SYBU: variants seen among roughly 807,000 people sequenced by gnomAD.
SYBU encodes the protein syntabulin, also known as GOLSYN A protein.
In SYBU, 21 loss-of-function variants were observed where a neutral mutation model predicts 35.9. The observed-to-expected ratio is 0.58, with a 90% CI of 0.41 to 0.84. The LOEUF is 0.84. Ranked by LOEUF, SYBU falls within the 40% of genes least tolerant of loss-of-function variation. SYBU has a pLI of 0.00. For missense variants in SYBU, 768 were observed against 848.2 expected (o/e 0.91, Z 1.17); for synonymous variants, 319 against 324.3 (o/e 0.98, Z 0.18).
At chr8:109,675,433 C>T (rs1817152377) in intron 1 of SYBU, among the ~76,000 whole-genome samples, 1 of 152,020 alleles carries the variant, frequency 6.6e-6, no homozygotes, top group Admixed American at 6.6e-5. Flanking sequence ...CAAATAGACA[C>T]AATAAAAAAT....
intron 1 of SYBU, among the ~76,000 whole-genome samples, chr8:109,650,575 C>T (rs1481306955): frequency 7.9e-5 from 12 of 152,288 alleles, no homozygotes; most frequent in East Asian, 1.9e-4. Flanking sequence ...GCTTTATTCC[C>T]ACTTCCTAGG....
At chr8:109,661,634 AG>A (rs1289770782) in intron 1 of SYBU, among the ~76,000 whole-genome samples, 1 of 152,226 alleles carries the variant, frequency 6.6e-6, no homozygotes, top group Non-Finnish European at 1.5e-5. Context: ...GAAGCAAACC[AG>A]AAAATTATGG....
intron 2 of SYBU, among the ~76,000 whole-genome samples, chr8:109,638,430 C>CA (rs1262863713): frequency 6.6e-6 from 1 of 152,104 alleles, no homozygotes; most frequent in African/African-American, 2.4e-5. Flanking sequence ...CACAAACCAA[C>CA]AATGTGGGCT....
chr8:109,654,979 T>A (rs1816295466), intron 1 of SYBU, among the ~76,000 whole-genome samples: 1 of 152,220 alleles, frequency 6.6e-6, no homozygotes, highest in South Asian at 2.1e-4. Context: ...TTTTGAACAG[T>A]GGCCACAATA....
chr8:109,625,407 T>A (rs1275209708), intron 2 of SYBU, among the ~76,000 whole-genome samples: 1 of 152,216 alleles, frequency 6.6e-6, no homozygotes, highest in African/African-American at 2.4e-5. Flanking sequence ...AAAATAGATA[T>A]AAACATCACT....
rs1821973797 is a variant in SYBU at position 109,574,374 on chromosome 8, T to A, written c.*532A>T. ...AACAAGCCATTTAAGACTTTGGAGC[T>A]ACATTTAGTAAAAAATTGCAAACAC... On this transcript the variant is annotated 3_prime_UTR_variant, in exon 7 of 7. Coordinates refer to ENST00000276646, the MANE Select transcript of SYBU (RefSeq NM_001099754.2). The A allele has an allele frequency of 6.5e-6, 1 of 152,760 alleles. No homozygotes were observed. Among genetic ancestry groups the A allele is most frequent in the Non-Finnish European group, 1.5e-5 (1 of 68,108 alleles). The allele number at this position is 152,760 out of a possible 1,614,324, so 9.5% of individuals were successfully genotyped here. A position where few individuals can be genotyped will look rare whatever the true frequency, so the allele number is the denominator to read the frequency against.
At chr8:109,641,746 A>T (rs551828577) in intron 2 of SYBU, among the ~76,000 whole-genome samples, 6 of 152,368 alleles carry the variant, frequency 3.9e-5, no homozygotes, top group Non-Finnish European at 8.8e-5. Context: ...ACATTTAACA[A>T]AGGAATGCAT....
At chr8:109,630,243 A>T (rs1813456736) in intron 2 of SYBU, among the ~76,000 whole-genome samples, 1 of 131,040 alleles carries the variant, frequency 7.6e-6, no homozygotes, top group South Asian at 2.5e-4. Flanking sequence ...TGGACACAGG[A>T]AGGGGAATAT....
chr8:109,597,194 C>T (rs1475312065), intron 3 of SYBU, among the ~76,000 whole-genome samples: 3 of 152,094 alleles, frequency 2.0e-5, no homozygotes, highest in African/African-American at 4.8e-5. Flanking sequence ...GAGAAGCTGA[C>T]CCAGAGTTGC....
chr8:109,673,953 A>G (rs1359020344), intron 1 of SYBU, among the ~76,000 whole-genome samples: 1 of 152,224 alleles, frequency 6.6e-6, no homozygotes, highest in Non-Finnish European at 1.5e-5. Flanking sequence ...CAACTTAATG[A>G]AATAAAGCAT....
intron 4 of SYBU, among the ~76,000 whole-genome samples, chr8:109,582,573 G>T (rs1258868422): frequency 6.6e-6 from 1 of 152,188 alleles, no homozygotes; most frequent in African/African-American, 2.4e-5. Flanking sequence ...AGACAGAGGA[G>T]TGAAGATGAC....
chr8:109,661,717 CA>C (rs1444839360), intron 1 of SYBU, among the ~76,000 whole-genome samples: 2 of 152,176 alleles, frequency 1.3e-5, no homozygotes, highest in Admixed American at 1.3e-4. Flanking sequence ...GAATAAGCCA[CA>C]TGTATTAAAT....
intron 1 of SYBU, among the ~76,000 whole-genome samples, chr8:109,651,520 A>G (rs1205338350): frequency 7.7e-6 from 1 of 130,602 alleles, no homozygotes; most frequent in African/African-American, 2.9e-5. Context: ...CCCCTGTAGG[A>G]CTCAACATTC....
chr8:109,575,732 C>G lies in SYBU; in HGVS notation c.1166G>C (p.Cys389Ser). The G allele has an allele frequency of 1.2e-6, 2 of 1,614,088 alleles. No homozygotes were observed. Among genetic ancestry groups the G allele is most frequent in the East Asian group, 4.5e-5 (2 of 44,900 alleles). Residue 389 changes from cysteine to serine, a missense_variant, in exon 7 of 7, where the codon TGC (cysteine) becomes TCC (serine). Coordinates refer to ENST00000276646, the MANE Select transcript of SYBU (RefSeq NM_001099754.2). ...AHSGSLRDEL[C>S]LDFPCDSPEK... ...TGGGGAATCACATGGAAAGTCTAGG[C>G]ACAGTTCGTCCCTCAGAGAGCCACT... is the stretch of plus-strand genomic sequence containing the variant.
chr8:109,608,154 C>T (rs1396988930), intron 3 of SYBU: 1 of 507,408 alleles, frequency 2.0e-6, no homozygotes. Context: ...GGGAAGAGCA[C>T]AGGGCCTTCT....
chr8:109,654,761 C>T lies in SYBU; in HGVS notation c.-129+25950G>A, dbSNP rs114725335. ...AAAGCTGATTTTACTTCTGTGTTCCCTAAGTTGATAAACAATATCATCATG... is the reference window on the plus strand; with the variant it reads ...AAAGCTGATTTTACTTCTGTGTTCCTTAAGTTGATAAACAATATCATCATG... On this transcript the variant is annotated intron_variant, in intron 1 of 5. Coordinates refer to the SYBU transcript ENST00000408889. Among the ~76,000 whole-genome samples, 782 of 152,270 alleles carry T rather than the reference C, an allele frequency of 5.1e-3. 5 individuals carry two copies. The highest frequency in any genetic ancestry group is 0.017 in the African/African-American group (701 of 41,540).
Position 109,667,365 on chromosome 8 carries a change from C to T in SYBU, c.-129+13346G>A, listed in dbSNP as rs146073456. On this transcript the variant is annotated intron_variant, in intron 1 of 5. Transcript: ENST00000408889. ...TCTCCTCGTGATCCGCCCACCTCGG[C>T]CTCCTAAAGTGCTGGGATTACCAAT... 7.6e-3 allele frequency among the ~76,000 whole-genome samples: 1,149 copies of T among 152,180 alleles called. 16 individuals carry two copies. The highest frequency in any genetic ancestry group is 0.026 in the African/African-American group (1,094 of 41,510).
intron 3 of SYBU, among the ~76,000 whole-genome samples, chr8:109,603,628 G>A (rs959532015): frequency 1.3e-5 from 2 of 152,122 alleles, no homozygotes; most frequent in Admixed American, 6.5e-5. Context: ...AAGCAAAGCA[G>A]AGTATTACGA....
intron 3 of SYBU, among the ~76,000 whole-genome samples, chr8:109,594,673 C>T (rs1563697839): frequency 6.6e-6 from 1 of 152,098 alleles, no homozygotes; most frequent in Admixed American, 6.6e-5. Context: ...CAGTGGCACT[C>T]AGAGTGTCAG....
Sources: allele counts gnomAD v4.1 joint callset (sites outside exome capture counted in the v4.1 genomes callset), GRCh38; gene constraint gnomAD v4.1.1; transcripts MANE v1.5; gene names NCBI Gene and HGNC (gene_info 2026-07-23, HGNC 2026-07-21).